The following CARD9 variants were observed in gnomAD, a reference collection of about 807,000 sequenced individuals.
The protein encoded by CARD9 is caspase recruitment domain-containing protein 9.
CARD9 carries 53 observed loss-of-function variants against 66.0 expected under a neutral mutation model. The observed-to-expected ratio is 0.80, with a 90% CI of 0.64 to 1.01. The LOEUF is 1.01. Among genes scored for constraint, CARD9 ranks in the 50% least tolerant of loss-of-function variants. The pLI is 0.00. For synonymous variants in CARD9, 387 were observed against 313.8 expected (o/e 1.23, Z -2.47); for missense variants, 769 against 743.2 (o/e 1.03, Z -0.40).
In CARD9 at chr9:136,373,659, G is replaced by A; in HGVS notation, c.-144C>T. ...GCCGGACGCCTGTGCACTTCCTGATGGGTTCTGCTTAACTCCACAGTCCCG... is the reference window on the plus strand; with the variant it reads ...GCCGGACGCCTGTGCACTTCCTGATAGGTTCTGCTTAACTCCACAGTCCCG... On this transcript the variant is annotated 5_prime_UTR_variant, in exon 1 of 13. Coordinates refer to ENST00000371732, the MANE Select transcript of CARD9 (RefSeq NM_052813.5). 3 of 809,674 alleles carry A rather than the reference G, an allele frequency of 3.7e-6. No individual in the cohort carries two copies. The highest frequency in any genetic ancestry group is 4.5e-6 in the Non-Finnish European group (3 of 669,366). 50.2% of individuals were successfully genotyped at this position (809,674 alleles called of 1,614,324 possible). A position where few individuals can be genotyped will look rare whatever the true frequency, so the allele number is the denominator to read the frequency against.
chr9:136,364,210 C>T lies in CARD9; in HGVS notation c.*92G>A, dbSNP rs1183862427. On this transcript the variant is annotated 3_prime_UTR_variant, in exon 13 of 13. Coordinates refer to ENST00000371732, the MANE Select transcript of CARD9 (RefSeq NM_052813.5). Reference sequence around the variant, plus strand: ...GTTCCAGGCCAAGTCAGCGACGGCTCGGGGAAGTCTGCGCCCCAGGGCGTC... The same window carrying T: ...GTTCCAGGCCAAGTCAGCGACGGCTTGGGGAAGTCTGCGCCCCAGGGCGTC... 3 of 1,550,518 alleles carry T rather than the reference C, an allele frequency of 1.9e-6. No individual in the cohort carries two copies. The highest frequency in any genetic ancestry group is 2.6e-6 in the Non-Finnish European group (3 of 1,146,792).
intron 11 of CARD9, 52 bp downstream of exon 11, chr9:136,365,089 C>T (rs1833088265): frequency 2.6e-6 from 4 of 1,568,280 alleles, no homozygotes; most frequent in East Asian, 2.2e-5. Context: ...TCCCTGTGAT[C>T]GGTCACCCTG....
In CARD9 at chr9:136,367,237, GC is replaced by G; in HGVS notation, c.1289del (p.Gly430AlafsTer53). ...TLVLSSDLED[G>X]SPRRSQELSL... is the part of the protein sequence containing the mutation. ...TCACCTCCTGGGACCTCCTGGGTGA[GC>G]CATCTTCCAGGTCGGAGCTCTGTGG... is the stretch of plus-strand genomic sequence containing the variant. On this transcript the variant is annotated frameshift_variant, in exon 9 of 13. Transcript: ENST00000371732. LOFTEE classifies it high-confidence loss of function. 6.2e-7 allele frequency: 1 copy of G among 1,612,842 alleles called. No individual in the cohort carries two copies. The highest frequency in any genetic ancestry group is 8.5e-7 in the Non-Finnish European group (1 of 1,179,854).
In CARD9 at chr9:136,370,613, T is replaced by G; in HGVS notation, c.716A>C (p.Glu239Ala). Residue 239 changes from glutamate to alanine, a missense_variant, in exon 5 of 13, where the codon GAG (glutamate) becomes GCG (alanine). Physicochemically the swap from Glu to Ala is moderately radical, Grantham distance 107. Transcript: ENST00000371732. Reference sequence around the variant, plus strand: ...CAGCAGCTCCTGGCTGGGCCGCTGCTCCATGGCGTGCCTGAGCTTCAGCGT... The same window carrying G: ...CAGCAGCTCCTGGCTGGGCCGCTGCGCCATGGCGTGCCTGAGCTTCAGCGT... ...KHTLKLRHAM[E>A]QRPSQELLWE... 6.2e-7 allele frequency: 1 copy of G among 1,612,694 alleles called. No homozygotes were observed. Among genetic ancestry groups the G allele is most frequent in the East Asian group, 2.2e-5 (1 of 44,878 alleles).
intron 2 of CARD9, 67 bp from the exon 3 acceptor site, chr9:136,371,528 C>CTGGGGGGGGGGGGGGGGGGCCG: frequency 8.7e-6 from 6 of 690,162 alleles, no homozygotes; most frequent in East Asian, 3.3e-5. Context: ...GTGGGTGGGC[C>CTGGGGGGGGGGGGGGGGGGCCG]TGGGGGCAGG....
Position 136,364,515 on chromosome 9 carries a change from C to A in CARD9, c.1479G>T (p.Arg493=). ...AGTTCTCAAAACTCTCTTTGAGGCG[C>A]CGCCGCTCCTTCTCGGGCGGCTCCC... ...SSGEPPEKER[R]RLKESFENYR... The change falls in exon 12 of 13, where the codon CGG becomes CGT. Residue 493 remains arginine (R), a synonymous_variant. Transcript: ENST00000371732. 6.5e-7 allele frequency: 1 copy of A among 1,539,248 alleles called. No individual in the cohort carries two copies. Among genetic ancestry groups the A allele is most frequent in the Non-Finnish European group, 8.7e-7 (1 of 1,146,830 alleles).
In CARD9 at chr9:136,370,617, TG is replaced by T; in HGVS notation, c.711del (p.Met238TrpfsTer124). On this transcript the variant is annotated frameshift_variant, in exon 5 of 13. Transcript: ENST00000371732. LOFTEE classifies it high-confidence loss of function. ...AGCTCCTGGCTGGGCCGCTGCTCCA[TG>T]GCGTGCCTGAGCTTCAGCGTGTGCT... is the stretch of plus-strand genomic sequence containing the variant. ...ERKHTLKLRH[A>X]MEQRPSQELL... The T allele has an allele frequency of 6.2e-7, 1 of 1,612,730 alleles. No individual in the cohort carries two copies. Among genetic ancestry groups the T allele is most frequent in the Non-Finnish European group, 8.5e-7 (1 of 1,179,914 alleles).
At chr9:136,370,169 T>G in intron 6 of CARD9, 125 bp downstream of exon 6, 1 of 1,480,660 alleles carries the variant, frequency 6.8e-7, no homozygotes, top group Non-Finnish European at 9.0e-7. Flanking sequence ...CCTCCAGGAG[T>G]GGGTGAGTGG....
Position 136,370,943 on chromosome 9 carries a change from G to C in CARD9, c.525C>G (p.Leu175=). 1 of 1,612,132 alleles carries C rather than the reference G, an allele frequency of 6.2e-7. No individual in the cohort carries two copies. The highest frequency in any genetic ancestry group is 8.5e-7 in the Non-Finnish European group (1 of 1,179,726). The change falls in exon 4 of 13, where the codon CTC becomes CTG. Residue 175 remains leucine, a synonymous_variant. Transcript: ENST00000371732. Reference sequence around the variant, plus strand: ...CGTAGTTCTCCTCCTTGCAGCGCTTGAGCTCGCGGCTGCCGGCCTCGCACT... The same window carrying C: ...CGTAGTTCTCCTCCTTGCAGCGCTTCAGCTCGCGGCTGCCGGCCTCGCACT... ...KEECEAGSRE[L]KRCKEENYDL... is the part of the protein sequence containing the mutation.
rs1364763070 is a variant in CARD9, at chr9:136,373,570, C to CCAGGAGCCTG, written c.-65_-56dup. 1 of 984,714 alleles carries CCAGGAGCCTG rather than the reference C, an allele frequency of 1.0e-6. No homozygotes were observed. The highest frequency in any genetic ancestry group is 1.8e-5 in the African/African-American group (1 of 56,300). 61.0% of individuals were successfully genotyped at this position (984,714 alleles called of 1,614,324 possible). ...AGGAGCCACCTGCACTGCAGACACA[C>CCAGGAGCCTG]CAGGAGCCTGGGCCGCGGAGCCTCT... On this transcript the variant is annotated 5_prime_UTR_variant, in exon 1 of 13. Coordinates refer to ENST00000371732, the MANE Select transcript of CARD9 (RefSeq NM_052813.5).
chr9:136,371,176 G>A (rs745525108), intron 3 of CARD9, 31 bp from the exon 4 acceptor site: 21 of 1,608,064 alleles, frequency 1.3e-5, no homozygotes, highest in Middle Eastern at 1.6e-4. Context: ...AGATGGTGCC[G>A]TGTTCCCCGG....
chr9:136,369,761 C>T lies in CARD9; in HGVS notation c.1066G>A (p.Glu356Lys). 1.2e-6 allele frequency: 2 copies of T among 1,604,204 alleles called. No individual in the cohort carries two copies. The highest frequency in any genetic ancestry group is 1.7e-6 in the Non-Finnish European group (2 of 1,176,088). ...CTGCGAGTGCCCACCTGGTCCCGCT[C>T]AATGGCGACCTCCTCCATCTGCAGC... ...ILLQMEEVAI[E>K]RDQAIATREE... Residue 356 changes from glutamate to lysine, a missense_variant, in exon 7 of 13, where the codon GAG becomes AAG. Physicochemically the swap from Glu to Lys is moderately conservative, Grantham distance 56 (BLOSUM62 1). Transcript: ENST00000371732.
intron 7 of CARD9, among the ~76,000 whole-genome samples, chr9:136,368,347 C>T (rs1172599910): frequency 1.3e-5 from 2 of 152,254 alleles, no homozygotes; most frequent in Non-Finnish European, 2.9e-5. Context: ...CAACGCGCTC[C>T]CGGGAAGTCC....
intron 10 of CARD9, chr9:136,366,144 C>T (rs1413016492): frequency 6.5e-6 from 1 of 154,206 alleles, no homozygotes; most frequent in Non-Finnish European, 1.4e-5. Context: ...CTGACAGCAC[C>T]TTCAGTGCAA....
chr9:136,364,080 T>TG lies in CARD9; in HGVS notation c.*221dup, dbSNP rs767496205. On this transcript the variant is annotated 3_prime_UTR_variant, in exon 13 of 13. Transcript: ENST00000371732. ...TGAAGTTACACAGATGGCGTGTGCATGGGGGTGGTGAGCACCCGCATGGCC... is the reference window on the plus strand; with the variant it reads ...TGAAGTTACACAGATGGCGTGTGCATGGGGGGTGGTGAGCACCCGCATGGCC... The TG allele has an allele frequency of 6.5e-7, 1 of 1,549,850 alleles. No individual in the cohort carries two copies. The highest frequency in any genetic ancestry group is 8.7e-7 in the Non-Finnish European group (1 of 1,146,314).
chr9:136,365,286 C>T lies in CARD9; in HGVS notation c.1358-69G>A. ...GCCACGTATAGCACGGCTGCCCCACCCCTCCCCGGCATTGCAGTGGGGCTG... is the reference window on the plus strand; with the variant it reads ...GCCACGTATAGCACGGCTGCCCCACTCCTCCCCGGCATTGCAGTGGGGCTG... On this transcript the variant is annotated intron_variant, in intron 10 of 12. Coordinates refer to ENST00000371732, the MANE Select transcript of CARD9 (RefSeq NM_052813.5). 3 of 1,465,376 alleles carry T rather than the reference C, an allele frequency of 2.0e-6. No individual in the cohort carries two copies. In the South Asian group the frequency reaches 3.5e-5, roughly 17 times the overall value. The allele number at this position is 1,465,376 out of a possible 1,614,324, so 90.8% of individuals were successfully genotyped here.
At chr9:136,367,548 G>T in intron 8 of CARD9, 89 bp downstream of exon 8, 3 of 1,444,678 alleles carry the variant, frequency 2.1e-6, no homozygotes, top group South Asian at 1.3e-5. Context: ...GAAGGGTTGG[G>T]TCGGGAAGGC....
intron 6 of CARD9, 34 bp from the exon 7 acceptor site, chr9:136,369,909 T>G (rs1299812572): frequency 6.2e-7 from 1 of 1,608,358 alleles, no homozygotes; most frequent in Admixed American, 1.7e-5. Context: ...CCCACAGGCC[T>G]GAGGCCCCCC....
At chr9:136,365,357 C>G in intron 10 of CARD9, 140 bp from the exon 11 acceptor site, 1 of 764,468 alleles carries the variant, frequency 1.3e-6, no homozygotes, top group Non-Finnish European at 2.2e-6. Context: ...AGTGTAGACT[C>G]TGCTTTCTGT....
Sources: allele counts gnomAD v4.1 joint callset (sites outside exome capture counted in the v4.1 genomes callset), GRCh38; gene constraint gnomAD v4.1.1; transcripts MANE v1.5; gene names NCBI Gene and HGNC (gene_info 2026-07-23, HGNC 2026-07-21).